The following RALY variants were observed in gnomAD, a reference collection of about 807,000 sequenced individuals.
RALY encodes RNA-binding protein Raly.
In RALY, 15 loss-of-function variants were observed where a neutral mutation model predicts 30.7. That is an observed-to-expected ratio of 0.49 (90% CI 0.33 to 0.75). The LOEUF (loss-of-function observed/expected upper bound fraction) is 0.75. Ranked by LOEUF, RALY falls within the 30% of genes least tolerant of loss-of-function variation. RALY has a pLI of 0.02. For missense variants in RALY, 339 were observed against 414.3 expected (o/e 0.82, Z 1.58); for synonymous variants, 177 against 170.8 (o/e 1.04, Z -0.28).
intron 2 of RALY, among the ~76,000 whole-genome samples, chr20:34,045,133 A>T (rs915981365): frequency 6.6e-6 from 1 of 152,082 alleles, no homozygotes; most frequent in Non-Finnish European, 1.5e-5. Context: ...GATGGTCTCA[A>T]CATCTTGGGC....
chr20:34,034,760 G>C (rs1460019057), intron 2 of RALY, among the ~76,000 whole-genome samples: 2 of 152,110 alleles, frequency 1.3e-5, no homozygotes, highest in Non-Finnish European at 2.9e-5. Flanking sequence ...AAGATTAAAA[G>C]AAGAATATCA....
intron 2 of RALY, among the ~76,000 whole-genome samples, chr20:34,070,453 T>C (rs758301469): frequency 1.3e-5 from 2 of 152,120 alleles, no homozygotes; most frequent in African/African-American, 2.4e-5. Context: ...GGCCAGAATA[T>C]AGAGAGCAAA....
rs60912814 is a variant in RALY, at chr20:34,053,383, A to ATTTTTTTTTTTTTTTTTTTTT, written c.-9-18671_-9-18651dup. On this transcript the variant is annotated intron_variant, in intron 2 of 9. Coordinates refer to ENST00000246194, the MANE Select transcript of RALY (RefSeq NM_016732.3). Reference sequence around the variant, plus strand: ...GCCAACATTTAGTAGATGTTCAATAATTTTTTTTTTTTTTTTTTTTTTTTT... The same window carrying ATTTTTTTTTTTTTTTTTTTTT: ...GCCAACATTTAGTAGATGTTCAATAATTTTTTTTTTTTTTTTTTTTTTTTTTTTTTTTTTTTTTTTTTTTTT... Among the ~76,000 whole-genome samples, 4 of 54,140 alleles carry ATTTTTTTTTTTTTTTTTTTTT rather than the reference A, an allele frequency of 7.4e-5. 1 individual carries two copies. The highest frequency in any genetic ancestry group is 7.8e-5 in the African/African-American group (1 of 12,742). 35.5% of individuals were successfully genotyped at this position (54,140 alleles called of 152,430 possible).
At chr20:34,037,257 C>T (rs2032531368) in intron 2 of RALY, among the ~76,000 whole-genome samples, 1 of 152,200 alleles carries the variant, frequency 6.6e-6, no homozygotes, top group African/African-American at 2.4e-5. Context: ...CAGCCTGGCT[C>T]CTGCCTGCCC....
intron 2 of RALY, among the ~76,000 whole-genome samples, chr20:34,063,834 C>G (rs564441808): frequency 6.6e-6 from 1 of 152,186 alleles, no homozygotes; most frequent in East Asian, 1.9e-4. Flanking sequence ...TAAACACTCT[C>G]CCTTTTGGTA....
intron 8 of RALY, chr20:34,077,636 A>G (rs943538470): frequency 3.1e-6 from 1 of 325,224 alleles, no homozygotes; most frequent in African/African-American, 2.2e-5. Flanking sequence ...CTGCTTAAGC[A>G]TGAAGCAAAA....
rs376403911 is a variant in RALY at position 34,025,899 on chromosome 20, G to T, written c.-92-5623G>T. ...AGCTTCCAGCAGTAGATTCCTGGTTGTTTTTTTTTTTTTTTTTTTTTTGTG... is the reference window on the plus strand; with the variant it reads ...AGCTTCCAGCAGTAGATTCCTGGTTTTTTTTTTTTTTTTTTTTTTTTTGTG... On this transcript the variant is annotated intron_variant, in intron 1 of 9. Transcript: ENST00000246194. Among the ~76,000 whole-genome samples the T allele has an allele frequency of 3.3e-3, 254 of 75,888 alleles. 1 individual carries two copies. The highest frequency in any genetic ancestry group is 6.4e-3 in the South Asian group (10 of 1,556). 49.8% of individuals were successfully genotyped at this position (75,888 alleles called of 152,430 possible).
At chr20:34,023,167 G>A (rs532740012) in intron 1 of RALY, among the ~76,000 whole-genome samples, 14 of 152,292 alleles carry the variant, frequency 9.2e-5, no homozygotes, top group Admixed American at 2.0e-4. Context: ...GGCAGTTTAC[G>A]TAATTTTTTC....
chr20:34,013,519 T>C (rs2031494221), intron 1 of RALY, among the ~76,000 whole-genome samples: 1 of 152,038 alleles, frequency 6.6e-6, no homozygotes, highest in Non-Finnish European at 1.5e-5. Flanking sequence ...CATCTGTATT[T>C]CCCCTAAGTA....
At chr20:34,017,255 C>G (rs547025732) in intron 1 of RALY, among the ~76,000 whole-genome samples, 2 of 152,316 alleles carry the variant, frequency 1.3e-5, no homozygotes, top group South Asian at 2.1e-4. Flanking sequence ...AACCTACTGG[C>G]ATAGGAAGGA....
At chr20:34,042,681 G>A (rs957310391) in intron 2 of RALY, among the ~76,000 whole-genome samples, 2 of 152,216 alleles carry the variant, frequency 1.3e-5, no homozygotes, top group Non-Finnish European at 2.9e-5. Flanking sequence ...GATTGTTAAT[G>A]AAAGAAGGAT....
intron 5 of RALY, among the ~76,000 whole-genome samples, chr20:34,075,543 C>T (rs2033850344): frequency 6.6e-6 from 1 of 151,854 alleles, no homozygotes; most frequent in South Asian, 2.1e-4. Flanking sequence ...CAAGCAGAAG[C>T]CAGGTCATGT....
chr20:34,039,225 T>G (rs2032608647), intron 2 of RALY, among the ~76,000 whole-genome samples: 1 of 152,244 alleles, frequency 6.6e-6, no homozygotes, highest in African/African-American at 2.4e-5. Flanking sequence ...TAGAAGTGGC[T>G]GGGAGTATGC....
intron 2 of RALY, among the ~76,000 whole-genome samples, chr20:34,070,375 C>T (rs1415460020): frequency 6.6e-6 from 1 of 152,136 alleles, no homozygotes; most frequent in African/African-American, 2.4e-5. Context: ...CCCCTTTCCT[C>T]TTGGAGCCTA....
intron 1 of RALY, among the ~76,000 whole-genome samples, chr20:34,011,594 AG>A (rs2031400618): frequency 6.6e-6 from 1 of 152,162 alleles, no homozygotes; most frequent in Non-Finnish European, 1.5e-5. Flanking sequence ...CATAAGCAGG[AG>A]TGGAAAGAAT....
chr20:34,080,468 G>C lies in RALY; in HGVS notation c.*563G>C, dbSNP rs944200231. On this transcript the variant is annotated 3_prime_UTR_variant, in exon 10 of 10. Coordinates refer to ENST00000246194, the MANE Select transcript of RALY (RefSeq NM_016732.3). ...GCTGGCTGAAGTGTCAAGCAGTTGT[G>C]ACCCACTTGGTTTACCCCATAGTAG... The C allele has an allele frequency of 2.0e-5, 3 of 152,184 alleles. No homozygotes were observed. Among genetic ancestry groups the C allele is most frequent in the Non-Finnish European group, 4.4e-5 (3 of 68,082 alleles). The allele number at this position is 152,184 out of a possible 1,614,324, so 9.4% of individuals were successfully genotyped here. A position where few individuals can be genotyped will look rare whatever the true frequency, so the allele number is the denominator to read the frequency against.
In RALY at chr20:34,013,254, A is replaced by G. The variant is rs6059628; in HGVS notation, c.-92-18268A>G. On this transcript the variant is annotated intron_variant, in intron 1 of 9. Transcript: ENST00000246194. ...TAAAACAAACAAACAAACAAAATAA[A>G]AAAAAAAACTAGCTCGCATAATGGG... Among the ~76,000 whole-genome samples, 861 of 151,956 alleles carry G rather than the reference A, an allele frequency of 5.7e-3. 10 individuals carry two copies. Among genetic ancestry groups the G allele is most frequent in the African/African-American group, 0.02 (815 of 41,462 alleles).
intron 5 of RALY, 34 bp from the exon 6 acceptor site, chr20:34,075,840 C>T: frequency 2.5e-6 from 4 of 1,595,440 alleles, no homozygotes; most frequent in Non-Finnish European, 3.4e-6. Context: ...GGCCACAAGC[C>T]ATGCTGCAGC....
chr20:34,075,860 A>T lies in RALY; in HGVS notation c.378-14A>T. The T allele has an allele frequency of 6.2e-7, 1 of 1,608,596 alleles. No individual in the cohort carries two copies. On this transcript the variant is annotated splice_polypyrimidine_tract_variant and intron_variant, in intron 5 of 9. Coordinates refer to ENST00000246194, the MANE Select transcript of RALY (RefSeq NM_016732.3). ...CAAGCCATGCTGCAGCCTCTGGCCC[A>T]TCTGCCCTCACAGGCTCTTCGACTA...
Sources: allele counts gnomAD v4.1 joint callset (sites outside exome capture counted in the v4.1 genomes callset), GRCh38; gene constraint gnomAD v4.1.1; transcripts MANE v1.5; gene names NCBI Gene and HGNC (gene_info 2026-07-23, HGNC 2026-07-21).